REV3L: variants seen among roughly 807,000 people sequenced by gnomAD.
The protein encoded by REV3L is DNA polymerase zeta catalytic subunit.
REV3L carries 69 observed loss-of-function variants against 299.4 expected under a neutral mutation model. The observed-to-expected ratio is 0.23, with a 90% CI of 0.19 to 0.28. The LOEUF is 0.28. Among genes scored for constraint, REV3L ranks in the 10% least tolerant of loss-of-function variants. The pLI is 1.00. For missense variants in REV3L, 3,128 were observed against 3,693.8 expected (o/e 0.85, Z 3.97); for synonymous variants, 1,238 against 1,271.4 (o/e 0.97, Z 0.56).
chr6:111,478,439 A>T (rs992581093), intron 1 of REV3L, among the ~76,000 whole-genome samples: 8 of 151,802 alleles, frequency 5.3e-5, no homozygotes, highest in African/African-American at 1.9e-4. Flanking sequence ...ACATCTCCAT[A>T]GCGTTCCTGA....
At chr6:111,468,813 T>C (rs543202138) in intron 1 of REV3L, among the ~76,000 whole-genome samples, 1 of 152,310 alleles carries the variant, frequency 6.6e-6, no homozygotes, top group South Asian at 2.1e-4. Context: ...AGTTTTCTAC[T>C]TTTATAGAAT....
intron 1 of REV3L, among the ~76,000 whole-genome samples, chr6:111,463,017 A>G (rs1790986173): frequency 1.3e-5 from 2 of 152,092 alleles, no homozygotes; most frequent in South Asian, 4.1e-4. Flanking sequence ...TGAGAGCATA[A>G]GGTCCTTGCA....
chr6:111,315,974 T>C (rs1488363312), intron 26 of REV3L, among the ~76,000 whole-genome samples: 3 of 152,082 alleles, frequency 2.0e-5, no homozygotes, highest in Non-Finnish European at 4.4e-5. Flanking sequence ...GCACAGTGGC[T>C]CACGCCTATA....
chr6:111,306,205 C>T (rs1382549135), intron 31 of REV3L, among the ~76,000 whole-genome samples: 1 of 152,042 alleles, frequency 6.6e-6, no homozygotes, highest in Non-Finnish European at 1.5e-5. Flanking sequence ...AAGGCTTCAC[C>T]CAGTCCAGAG....
At chr6:111,380,772 C>T (rs993385153) in intron 10 of REV3L, among the ~76,000 whole-genome samples, 1 of 152,246 alleles carries the variant, frequency 6.6e-6, no homozygotes, top group African/African-American at 2.4e-5. Context: ...CTGCCTGGGA[C>T]TGCACAGGGT....
chr6:111,457,928 T>C (rs183488110), intron 1 of REV3L, among the ~76,000 whole-genome samples: 46 of 152,006 alleles, frequency 3.0e-4, no homozygotes, highest in Admixed American at 2.3e-3. Flanking sequence ...TATCTAAAGA[T>C]AGAGAAACTC....
chr6:111,309,838 AT>A lies in REV3L; in HGVS notation c.9042+14del. 6.2e-7 allele frequency: 1 copy of A among 1,611,382 alleles called. No homozygotes were observed. The highest frequency in any genetic ancestry group is 8.5e-7 in the Non-Finnish European group (1 of 1,178,616). On this transcript the variant is annotated intron_variant, in intron 30 of 31. Transcript: ENST00000368802. The stretch of plus-strand genomic sequence containing the variant: ...TCTCCATAGTTAGAGCACATGTACT[AT>A]TTGGTAAGCTTACCCTTGGTAATTC...
At chr6:111,370,121 G>A (rs1158400382) in intron 13 of REV3L, among the ~76,000 whole-genome samples, 9 of 152,046 alleles carry the variant, frequency 5.9e-5, no homozygotes, top group Admixed American at 3.3e-4. Flanking sequence ...GTGAGCCACC[G>A]TGCCCGGCCT....
intron 13 of REV3L, 55 bp downstream of exon 13, chr6:111,372,538 CATA>C: frequency 7.7e-7 from 1 of 1,299,986 alleles, no homozygotes. Flanking sequence ...ATCCCCATAG[CATA>C]ATTTTATATA....
chr6:111,307,245 CTCT>C, intron 31 of REV3L, 113 bp downstream of exon 31: 2 of 798,640 alleles, frequency 2.5e-6, no homozygotes, highest in Non-Finnish European at 4.2e-6. Flanking sequence ...ATCATTTAGA[CTCT>C]TCATTTCACT....
At chr6:111,306,641 A>G (rs551414215) in intron 31 of REV3L, among the ~76,000 whole-genome samples, 1 of 152,320 alleles carries the variant, frequency 6.6e-6, no homozygotes, top group South Asian at 2.1e-4. Flanking sequence ...AACTCTCTGT[A>G]TCAGTTTACT....
At chr6:111,445,591 G>A (rs981567192) in intron 1 of REV3L, among the ~76,000 whole-genome samples, 2 of 152,106 alleles carry the variant, frequency 1.3e-5, no homozygotes, top group African/African-American at 2.4e-5. Context: ...GCTTTATAAA[G>A]GTAATGTGGA....
At chr6:111,483,527 G>C (rs1400405445), upstream of REV3L, 1 of 514,938 alleles carries the variant, frequency 1.9e-6, no homozygotes, top group South Asian at 1.6e-5. Flanking sequence ...GCTTGCGGGA[G>C]GGGGGCGCCA....
chr6:111,438,592 C>T (rs1311674618), intron 1 of REV3L, among the ~76,000 whole-genome samples: 1 of 151,094 alleles, frequency 6.6e-6, no homozygotes, highest in Non-Finnish European at 1.5e-5. Context: ...TTTTCTCAGA[C>T]AATAAAACTA....
chr6:111,471,975 C>A (rs1222710595), intron 1 of REV3L: 45 of 1,112,686 alleles, frequency 4.0e-5, no homozygotes, highest in Non-Finnish European at 4.5e-5. Flanking sequence ...CCCCCACCCC[C>A]CTCACCCCCA....
intron 2 of REV3L, among the ~76,000 whole-genome samples, chr6:111,412,750 ATAAAG>A (rs1300836753): frequency 2.8e-5 from 4 of 143,124 alleles, no homozygotes; most frequent in Non-Finnish European, 6.1e-5. Flanking sequence ...TATTATTGTT[ATAAAG>A]TAATTTCTGT....
intron 1 of REV3L, among the ~76,000 whole-genome samples, chr6:111,419,186 T>G (rs1785062718): frequency 6.6e-6 from 1 of 152,134 alleles, no homozygotes; most frequent in Admixed American, 6.5e-5. Flanking sequence ...GCTCAGTGCC[T>G]TACTCATCAC....
At position 111,381,211 on chromosome 6, in the gene REV3L, T is replaced by C. The variant is rs142565219; in HGVS notation, c.1216+114A>G. ...TCATTTTCATATTCAGTAGAGTGTT[T>C]ACTGAACATGCAACATTTACCTCTT... On this transcript the variant is annotated intron_variant, in intron 10 of 31. Transcript: ENST00000368802. The C allele has an allele frequency of 2.7e-5, 29 of 1,072,478 alleles. No individual in the cohort carries two copies. In the East Asian group the frequency reaches 6.5e-4, roughly 24 times the overall value. 66.4% of individuals were successfully genotyped at this position (1,072,478 alleles called of 1,614,324 possible).
intron 1 of REV3L, among the ~76,000 whole-genome samples, chr6:111,463,779 C>A (rs937340977): frequency 6.6e-6 from 1 of 152,142 alleles, no homozygotes; most frequent in African/African-American, 2.4e-5. Flanking sequence ...CTTAAAGTCA[C>A]AATTTCCAAG....
Sources: gnomAD v4.1 joint callset for allele counts (sites outside exome capture counted in the v4.1 genomes callset) on GRCh38, gnomAD v4.1.1 for gene constraint, MANE v1.5 for transcripts, NCBI Gene and HGNC (gene_info 2026-07-23, HGNC 2026-07-21) for gene names.